The following EMC7 variants were observed in gnomAD, a reference collection of about 807,000 sequenced individuals.
EMC7 encodes the protein endoplasmic reticulum membrane protein complex subunit 7.
Under a neutral mutation model 24.4 loss-of-function variants are expected in EMC7, and 4 were observed. The ratio of observed to expected loss-of-function variants is 0.16; its 90% CI spans 0.08 to 0.38. The LOEUF is 0.38. EMC7 is among the 10% of genes least tolerant of loss of function. The probability of loss-of-function intolerance (pLI) is 1.00; values close to 1 mark genes in which losing one functional copy is unlikely to be tolerated. For missense variants in EMC7, 221 were observed against 300.6 expected (o/e 0.74, Z 1.96); for synonymous variants, 106 against 112.0 (o/e 0.95, Z 0.34).
Position 34,101,795 on chromosome 15 carries a change from C to A in EMC7, c.45G>T (p.Leu15=). 6.2e-7 allele frequency: 1 copy of A among 1,612,462 alleles called. No individual in the cohort carries two copies. Among genetic ancestry groups the A allele is most frequent in the Non-Finnish European group, 8.5e-7 (1 of 1,179,872 alleles). The change falls in exon 1 of 5, where the codon CTG becomes CTT. Residue 15 remains leucine (L), a synonymous_variant. Coordinates refer to ENST00000256545, the MANE Select transcript of EMC7 (RefSeq NM_020154.3). Reference sequence around the variant, plus strand: ...AGCTCTGGACATCCCCCGATAGCAGCAGCAGCAGCAGGACGGGAAAGAAGC... The same window carrying A: ...AGCTCTGGACATCCCCCGATAGCAGAAGCAGCAGCAGGACGGGAAAGAAGC... The part of the protein sequence containing the change: ...LWGFFPVLLL[L]LLSGDVQSSE...
chr15:34,086,423 C>T (rs1292377991), intron 4 of EMC7: 1 of 151,506 alleles, frequency 6.6e-6, no homozygotes, highest in Non-Finnish European at 1.4e-5. Flanking sequence ...AAGCACTTCA[C>T]AAGGAATGAA....
At chr15:34,099,689 T>G (rs942411902) in intron 1 of EMC7, among the ~76,000 whole-genome samples, 1 of 152,186 alleles carries the variant, frequency 6.6e-6, no homozygotes, top group Non-Finnish European at 1.5e-5. Flanking sequence ...CACTACAGCC[T>G]CAACCGCCTC....
At chr15:34,088,611 AG>A (rs1900928294) in intron 3 of EMC7, among the ~76,000 whole-genome samples, 1 of 152,124 alleles carries the variant, frequency 6.6e-6, no homozygotes, top group Non-Finnish European at 1.5e-5. Flanking sequence ...AGAAGCATCA[AG>A]CACTGGAGCA....
chr15:34,097,844 G>A (rs779958244), intron 1 of EMC7, among the ~76,000 whole-genome samples: 2 of 151,666 alleles, frequency 1.3e-5, no homozygotes, highest in Admixed American at 6.6e-5. Flanking sequence ...TGGCATGCGC[G>A]TGTAGTCCCA....
At chr15:34,088,419 T>C (rs1317027422) in intron 3 of EMC7, among the ~76,000 whole-genome samples, 3 of 152,054 alleles carry the variant, frequency 2.0e-5, no homozygotes, top group Non-Finnish European at 4.4e-5. Flanking sequence ...TTTTGCAGAG[T>C]TACAGTGTTA....
intron 2 of EMC7, among the ~76,000 whole-genome samples, chr15:34,094,763 G>C (rs1037100050): frequency 6.6e-6 from 1 of 152,164 alleles, no homozygotes; most frequent in South Asian, 2.1e-4. Flanking sequence ...TAAAAGAAGA[G>C]AAAGAAATCA....
intron 2 of EMC7, among the ~76,000 whole-genome samples, chr15:34,093,263 C>A (rs1901006934): frequency 6.6e-6 from 1 of 152,026 alleles, no homozygotes; most frequent in Non-Finnish European, 1.5e-5. Context: ...CATGGTGAGA[C>A]CCTGCCTCTA....
At chr15:34,084,761 T>G (rs1900849643) in intron 4 of EMC7, among the ~76,000 whole-genome samples, 2 of 151,666 alleles carry the variant, frequency 1.3e-5, no homozygotes, top group East Asian at 3.9e-4. Context: ...TTTTTATTAT[T>G]ATACTTTAAG....
chr15:34,084,465 T>A lies in EMC7; in HGVS notation c.598A>T (p.Met200Leu). 1 of 1,613,502 alleles carries A rather than the reference T, an allele frequency of 6.2e-7. No individual in the cohort carries two copies. The highest frequency in any genetic ancestry group is 1.1e-5 in the South Asian group (1 of 91,018). Residue 200 changes from methionine to leucine, a missense_variant, in exon 5 of 5, where the codon ATG becomes TTG. By Grantham distance (15) the Met-to-Leu change is conservative. Transcript: ENST00000256545. ...MRREMEQSMN[M>L]LNSNHELPDV... ...GGCAACTCATGGTTGGAATTCAGCA[T>A]ATTCATTGACTGCTCCATTTCCTGC...
chr15:34,096,120 C>T (rs1567503443), intron 1 of EMC7, 106 bp from the exon 2 acceptor site: 4 of 1,265,464 alleles, frequency 3.2e-6, no homozygotes, highest in East Asian at 5.1e-5. Flanking sequence ...TTAAAAGCAA[C>T]GGGCAAACAA....
At chr15:34,098,657 T>C (rs11072939) in intron 1 of EMC7, among the ~76,000 whole-genome samples, 142,298 of 143,904 alleles carry the variant, frequency 0.99, 70,377 homozygotes, top group Middle Eastern at 1. Flanking sequence ...TTAGTAGAGA[T>C]GGGGTTTTTC....
In EMC7 at chr15:34,101,680, G is replaced by C; in HGVS notation, c.160C>G (p.Pro54Ala). 1 of 1,612,904 alleles carries C rather than the reference G, an allele frequency of 6.2e-7. No individual in the cohort carries two copies. The highest frequency in any genetic ancestry group is 8.5e-7 in the Non-Finnish European group (1 of 1,179,826). The change falls in exon 1 of 5, where the codon CCA becomes GCA. Residue 54 changes from proline to alanine, a missense_variant. Coordinates refer to ENST00000256545, the MANE Select transcript of EMC7 (RefSeq NM_020154.3). ...ATCCAGTCCTGAGGCTTCACCCCTG[G>C]AACAACTGCACGCCCCTCAATCTTG... is the stretch of plus-strand genomic sequence containing the variant. Reference protein sequence around the residue: ...RFKIEGRAVVPGVKPQDWISA... With the variant: ...RFKIEGRAVVAGVKPQDWISA...
intron 1 of EMC7, among the ~76,000 whole-genome samples, chr15:34,098,187 T>G (rs1901110811): frequency 6.6e-6 from 1 of 152,176 alleles, no homozygotes; most frequent in African/African-American, 2.4e-5. Context: ...CACCTCTGAC[T>G]GGCTGTGTTA....
chr15:34,101,383 G>A (rs560321626), intron 1 of EMC7, among the ~76,000 whole-genome samples: 15 of 152,238 alleles, frequency 9.9e-5, no homozygotes, highest in Middle Eastern at 3.4e-3. Flanking sequence ...CTCTGACCAT[G>A]GCAGGGGGTG....
In EMC7 at chr15:34,095,495, G is replaced by A. The variant is rs572568871; in HGVS notation, c.356+400C>T. On this transcript the variant is annotated intron_variant, in intron 2 of 4. Transcript: ENST00000256545. ...CCACAGAAATTTCCAGATCAATGAA[G>A]TATCAAATAGGTAATAAGAGGTATT... Among the ~76,000 whole-genome samples, 212 of 152,250 alleles carry A rather than the reference G, an allele frequency of 1.4e-3. 1 individual carries two copies. The highest frequency in any genetic ancestry group is 5.0e-3 in the African/African-American group (207 of 41,538).
At chr15:34,093,802 C>CATATATAT (rs1901016371) in intron 2 of EMC7, among the ~76,000 whole-genome samples, 2 of 7,372 alleles carry the variant, frequency 2.7e-4, no homozygotes, top group Non-Finnish European at 1.4e-3. Flanking sequence ...CACACACACA[C>CATATATAT]ACACATATAT....
Position 34,097,039 on chromosome 15 carries a change from C to CTTT in EMC7, c.237-1028_237-1026dup, listed in dbSNP as rs553769836. ...CAATTTTTGGTTTTCTGTTCTTCTT[C>CTTT]TTTTTTTTTTTTGAGACGGAGTCTC... is the stretch of plus-strand genomic sequence containing the variant. On this transcript the variant is annotated intron_variant, in intron 1 of 4. Transcript: ENST00000256545. 5.0e-4 allele frequency among the ~76,000 whole-genome samples: 49 copies of CTTT among 97,610 alleles called. 4 individuals carry two copies. In the South Asian group the frequency reaches 0.013, roughly 26 times the overall value. The allele number at this position is 97,610 out of a possible 152,430, so 64.0% of individuals were successfully genotyped here.
intron 1 of EMC7, among the ~76,000 whole-genome samples, chr15:34,098,308 G>GT (rs1236721999): frequency 6.6e-6 from 1 of 152,154 alleles, no homozygotes; most frequent in Non-Finnish European, 1.5e-5. Flanking sequence ...CCTTGAGGAT[G>GT]TAAGCTCCAG....
At chr15:34,095,311 C>T (rs1240494014) in intron 2 of EMC7, among the ~76,000 whole-genome samples, 2 of 152,206 alleles carry the variant, frequency 1.3e-5, no homozygotes, top group Non-Finnish European at 2.9e-5. Flanking sequence ...GGGAAGCTGA[C>T]TCTGAAGACT....
Sources: gnomAD v4.1 joint callset for allele counts (sites outside exome capture counted in the v4.1 genomes callset) on GRCh38, gnomAD v4.1.1 for gene constraint, MANE v1.5 for transcripts, NCBI Gene and HGNC (gene_info 2026-07-23, HGNC 2026-07-21) for gene names.